PPARGC1A: variants seen among roughly 807,000 people sequenced by gnomAD.
PPARGC1A encodes PPARG coactivator 1 alpha, also known as peroxisome proliferator-activated receptor gamma coactivator 1-alpha.
A neutral mutation model predicts 88.7 loss-of-function variants in PPARGC1A; 25 were observed. The observed-to-expected ratio is 0.28, with a 90% CI of 0.21 to 0.39. The LOEUF is 0.39. Among genes scored for constraint, PPARGC1A ranks in the 10% least tolerant of loss-of-function variants. The pLI is 1.00. For synonymous variants in PPARGC1A, 363 were observed against 355.6 expected (o/e 1.02, Z -0.24); for missense variants, 880 against 968.7 (o/e 0.91, Z 1.22).
At chr4:23,927,534 T>C in the PPARGC1A span, among the ~76,000 whole-genome samples, 1 of 152,192 alleles carries the variant, frequency 6.6e-6, no homozygotes. Context: ...AATTTAAGCT[T>C]GAGTTTTACA....
At chr4:24,152,094 G>A in the PPARGC1A span, among the ~76,000 whole-genome samples, 1 of 152,148 alleles carries the variant, frequency 6.6e-6, no homozygotes, top group African/African-American at 2.4e-5. Flanking sequence ...CATGGGATCT[G>A]GACATGACAT....
At chr4:24,128,146 T>G in the PPARGC1A span, among the ~76,000 whole-genome samples, 1 of 152,154 alleles carries the variant, frequency 6.6e-6, no homozygotes, top group Non-Finnish European at 1.5e-5. Flanking sequence ...TGGAGCATGC[T>G]TTGATCAGCA....
the PPARGC1A span, among the ~76,000 whole-genome samples, chr4:24,339,235 TATACACACAC>T: frequency 1.8e-5 from 2 of 110,162 alleles, no homozygotes; most frequent in African/African-American, 7.4e-5. Context: ...TATATATATA[TATACACACAC>T]ACACACACAC....
chr4:24,372,717 T>C, the PPARGC1A span, among the ~76,000 whole-genome samples: 1 of 152,226 alleles, frequency 6.6e-6, no homozygotes, highest in South Asian at 2.1e-4. Flanking sequence ...TCTCACTGTG[T>C]GTAGTCTTGA....
upstream of PPARGC1A, among the ~76,000 whole-genome samples, chr4:23,904,380 T>C (rs1719785782): frequency 6.6e-6 from 1 of 152,118 alleles, no homozygotes; most frequent in Non-Finnish European, 1.5e-5. Context: ...TACTGTAATT[T>C]TTCCTTGGTG....
At chr4:24,387,904 G>GAGAAAGAAAGAAAGAAAGAA in the PPARGC1A span, among the ~76,000 whole-genome samples, 74 of 25,234 alleles carry the variant, frequency 2.9e-3, 2 homozygotes, top group South Asian at 5.5e-3. Flanking sequence ...GAAAAAGAAA[G>GAGAAAGAAAGAAAGAAAGAA]AGAAAGAAAG....
At chr4:24,309,842 G>C in the PPARGC1A span, among the ~76,000 whole-genome samples, 3 of 152,234 alleles carry the variant, frequency 2.0e-5, no homozygotes, top group African/African-American at 4.8e-5. Flanking sequence ...CCAATCCTGA[G>C]AGAGTATTGT....
At chr4:24,146,708 T>C in the PPARGC1A span, among the ~76,000 whole-genome samples, 2 of 152,072 alleles carry the variant, frequency 1.3e-5, no homozygotes, top group African/African-American at 4.8e-5. Context: ...TAACAGCAGG[T>C]CAGAAGAGAG....
chr4:23,871,941 C>T, intron 2 of PPARGC1A, among the ~76,000 whole-genome samples: 1 of 152,078 alleles, frequency 6.6e-6, no homozygotes, highest in East Asian at 1.9e-4. Flanking sequence ...CCTGGTACCT[C>T]CAGAGGGAAG....
the PPARGC1A span, among the ~76,000 whole-genome samples, chr4:24,188,429 T>G: frequency 2.6e-5 from 4 of 152,104 alleles, no homozygotes; most frequent in African/African-American, 9.7e-5. Flanking sequence ...CCTAGGCACA[T>G]TATGAATGTA....
chr4:24,141,071 T>C, the PPARGC1A span, among the ~76,000 whole-genome samples: 4 of 152,174 alleles, frequency 2.6e-5, no homozygotes, highest in Non-Finnish European at 5.9e-5. Context: ...CGAACAGCCA[T>C]AAGTGCACTG....
chr4:23,992,713 C>A, the PPARGC1A span, among the ~76,000 whole-genome samples: 1 of 152,020 alleles, frequency 6.6e-6, no homozygotes, highest in Admixed American at 6.6e-5. Flanking sequence ...TAATTTTATA[C>A]CCACTTGTAT....
chr4:23,981,282 A>G, the PPARGC1A span, among the ~76,000 whole-genome samples: 23 of 152,204 alleles, frequency 1.5e-4, no homozygotes, highest in African/African-American at 5.3e-4. Flanking sequence ...ATACACCATG[A>G]GAGCAGAAAT....
At chr4:24,139,598 G>A in the PPARGC1A span, among the ~76,000 whole-genome samples, 6 of 152,116 alleles carry the variant, frequency 3.9e-5, no homozygotes, top group East Asian at 1.9e-4. Flanking sequence ...TGAGAAATCC[G>A]CAGAATCTCA....
the PPARGC1A span, among the ~76,000 whole-genome samples, chr4:24,141,930 G>A: frequency 2.0e-5 from 3 of 152,160 alleles, no homozygotes; most frequent in African/African-American, 7.2e-5. Context: ...CACAAAGTCA[G>A]CTACCAAATA....
the PPARGC1A span, among the ~76,000 whole-genome samples, chr4:24,392,424 C>T: frequency 6.6e-6 from 1 of 152,108 alleles, no homozygotes; most frequent in Admixed American, 6.5e-5. Flanking sequence ...TGCCTGTTGC[C>T]CCTCCTCATA....
At chr4:24,279,020 C>A in the PPARGC1A span, among the ~76,000 whole-genome samples, 3 of 152,310 alleles carry the variant, frequency 2.0e-5, no homozygotes, top group South Asian at 2.1e-4. Context: ...AGAAGGAAAG[C>A]TTACAAGGCT....
At chr4:24,470,920 G>A in the PPARGC1A span, among the ~76,000 whole-genome samples, 1 of 151,804 alleles carries the variant, frequency 6.6e-6, no homozygotes, top group Admixed American at 6.6e-5. The surrounding 1 kb of genome is among the most constrained non-coding windows in gnomAD (Gnocchi z 5.8). Context: ...TGGAAACTTG[G>A]GGTGATGCGG....
the PPARGC1A span, among the ~76,000 whole-genome samples, chr4:24,139,469 T>A: frequency 6.6e-6 from 1 of 152,172 alleles, no homozygotes; most frequent in East Asian, 1.9e-4. Context: ...TTAAAATCAC[T>A]GTAAATGTAA....
Sources: allele counts gnomAD v4.1 joint callset (sites outside exome capture counted in the v4.1 genomes callset), GRCh38; gene constraint gnomAD v4.1.1; non-coding constraint Gnocchi (gnomAD v3.1); transcripts MANE v1.5; gene names NCBI Gene and HGNC (gene_info 2026-07-23, HGNC 2026-07-21).